ENTPD1: variants seen among roughly 807,000 people sequenced by gnomAD.
The protein encoded by ENTPD1 is ectonucleoside triphosphate diphosphohydrolase 1.
ENTPD1 carries 33 observed loss-of-function variants against 57.0 expected under a neutral mutation model. The observed-to-expected ratio is 0.58, with a 90% CI of 0.44 to 0.77. The LOEUF (loss-of-function observed/expected upper bound fraction) is 0.77, where lower values mean the gene tolerates loss of function less well. Among genes scored for constraint, ENTPD1 ranks in the 30% least tolerant of loss-of-function variants. ENTPD1 has a pLI of 0.00. For synonymous variants in ENTPD1, 202 were observed against 218.8 expected (o/e 0.92, Z 0.68); for missense variants, 501 against 603.4 (o/e 0.83, Z 1.78).
upstream of ENTPD1, among the ~76,000 whole-genome samples, chr10:95,752,218 A>G (rs1218244572): frequency 1.3e-5 from 2 of 152,200 alleles, no homozygotes; most frequent in African/African-American, 4.8e-5. Flanking sequence ...CGGGAATGCA[A>G]TGGAAGGAGG....
At chr10:95,861,883 C>G (rs537290300) in intron 8 of ENTPD1, among the ~76,000 whole-genome samples, 7 of 152,106 alleles carry the variant, frequency 4.6e-5, no homozygotes, top group African/African-American at 1.7e-4. Flanking sequence ...GTAGTCCCAG[C>G]TACTTGGGAG....
intron 1 of ENTPD1, among the ~76,000 whole-genome samples, chr10:95,772,795 G>T (rs74996096): frequency 0.016 from 2,379 of 152,110 alleles, 62 homozygotes; most frequent in African/African-American, 0.054. Context: ...ACTTTGCCCA[G>T]GTCCAACAGA....
In ENTPD1 at chr10:95,772,422, C is replaced by T. The variant is rs576151981; in HGVS notation, c.16+16167C>T. 3.9e-5 allele frequency among the ~76,000 whole-genome samples: 6 copies of T among 152,304 alleles called. No homozygotes were observed. The South Asian group carries it at 1.2e-3, about 32-fold the overall frequency. On this transcript the variant is annotated intron_variant, in intron 1 of 9. Transcript: ENST00000371205. ...GCAAGTTTACATAATATTCTAAATCCTTTGCTGTCATTTCAACAATGTTCA... is the reference window on the plus strand; with the variant it reads ...GCAAGTTTACATAATATTCTAAATCTTTTGCTGTCATTTCAACAATGTTCA...
At chr10:95,751,361 G>A (rs1157585284), upstream of ENTPD1, among the ~76,000 whole-genome samples, 3 of 152,206 alleles carry the variant, frequency 2.0e-5, no homozygotes, top group Non-Finnish European at 2.9e-5. Context: ...TGTGGGATGT[G>A]GGGAGGGGTC....
At chr10:95,854,004 A>G (rs1441669152) in intron 7 of ENTPD1, among the ~76,000 whole-genome samples, 1 of 152,194 alleles carries the variant, frequency 6.6e-6, no homozygotes. Flanking sequence ...TTCAGAAGGA[A>G]TGGTACCAGC....
chr10:95,723,978 G>T (rs990453756), intron 1 of ENTPD1, among the ~76,000 whole-genome samples: 1 of 151,832 alleles, frequency 6.6e-6, no homozygotes, highest in Non-Finnish European at 1.5e-5. Flanking sequence ...TGGCTAACAC[G>T]GTGAAACCCT....
In ENTPD1 at chr10:95,870,900, C is replaced by T; in HGVS notation, c.*4517C>T. 1.0e-6 allele frequency: 1 copy of T among 985,400 alleles called. No homozygotes were observed. The highest frequency in any genetic ancestry group is 1.7e-5 in the African/African-American group (1 of 57,346). The allele number at this position is 985,400 out of a possible 1,614,324, so 61.0% of individuals were successfully genotyped here. On this transcript the variant is annotated 3_prime_UTR_variant, in exon 10 of 10. Transcript: ENST00000371205. ...TTTTCATGTTTGTGAGTCTGCAAGC[C>T]AGCTGGGCAGCTCTACTTCAGGTGG...
chr10:95,830,622 A>C (rs1368276897), intron 2 of ENTPD1, among the ~76,000 whole-genome samples: 1 of 152,114 alleles, frequency 6.6e-6, no homozygotes, highest in Admixed American at 6.6e-5. Flanking sequence ...CCTGGCCAAC[A>C]TGGTGAACTG....
chr10:95,790,168 T>C (rs1438366226), intron 1 of ENTPD1, among the ~76,000 whole-genome samples: 2 of 152,214 alleles, frequency 1.3e-5, no homozygotes, highest in African/African-American at 4.8e-5. Context: ...CCACTTCAGA[T>C]AGATGATTCA....
At chr10:95,813,420 A>C (rs1707767837) in intron 1 of ENTPD1, among the ~76,000 whole-genome samples, 1 of 152,200 alleles carries the variant, frequency 6.6e-6, no homozygotes. Context: ...GAGGATGTGA[A>C]AACACTAGCT....
rs2098481373 is a variant in ENTPD1 at position 95,872,284 on chromosome 10, A to G, written c.*5901A>G. ...TTCCATTGCCTACAAAATAAAGTCA[A>G]CCTCCCCATCAGACATTCAAGGCTT... On this transcript the variant is annotated 3_prime_UTR_variant, in exon 10 of 10. Coordinates refer to ENST00000371205, the MANE Select transcript of ENTPD1 (RefSeq NM_001776.6). The G allele has an allele frequency of 1.0e-6, 1 of 985,046 alleles. No individual in the cohort carries two copies. Among genetic ancestry groups the G allele is most frequent in the Non-Finnish European group, 1.2e-6 (1 of 829,850 alleles). The allele number at this position is 985,046 out of a possible 1,614,324, so 61.0% of individuals were successfully genotyped here. A position where few individuals can be genotyped will look rare whatever the true frequency, so the allele number is the denominator to read the frequency against.
At chr10:95,778,640 G>A (rs2140162498) in intron 1 of ENTPD1, among the ~76,000 whole-genome samples, 1 of 151,754 alleles carries the variant, frequency 6.6e-6, no homozygotes, top group African/African-American at 2.4e-5. Flanking sequence ...TTCTTATTTT[G>A]GTTATTACTG....
chr10:95,694,421 TAAAA>T, the ENTPD1 span, among the ~76,000 whole-genome samples: 243 of 149,344 alleles, frequency 1.6e-3, no homozygotes, highest in Middle Eastern at 3.4e-3. Flanking sequence ...ATGGCTTTTT[TAAAA>T]AAAAAAAAAA....
At chr10:95,827,336 T>C (rs1245051784) in intron 2 of ENTPD1, among the ~76,000 whole-genome samples, 2 of 151,550 alleles carry the variant, frequency 1.3e-5, no homozygotes, top group Non-Finnish European at 2.9e-5. Flanking sequence ...GCACCTATAG[T>C]CCCAACTACT....
chr10:95,707,707 C>G (rs796416557), upstream of ENTPD1, among the ~76,000 whole-genome samples: 1 of 152,154 alleles, frequency 6.6e-6, no homozygotes, highest in Non-Finnish European at 1.5e-5. Context: ...TGCCTTCAAG[C>G]GATTCTCGTG....
intron 1 of ENTPD1, among the ~76,000 whole-genome samples, chr10:95,715,444 T>C (rs2097970436): frequency 6.6e-6 from 1 of 152,198 alleles, no homozygotes; most frequent in Non-Finnish European, 1.5e-5. Flanking sequence ...TAAACTAAAC[T>C]GTGTTTCTTT....
At chr10:95,760,901 C>T (rs1044312394) in intron 1 of ENTPD1, among the ~76,000 whole-genome samples, 7 of 136,768 alleles carry the variant, frequency 5.1e-5, no homozygotes, top group Non-Finnish European at 9.1e-5. Context: ...GCGATCTCAG[C>T]TCACTGCAAG....
intron 1 of ENTPD1, among the ~76,000 whole-genome samples, chr10:95,776,570 C>T (rs562245876): frequency 6.6e-6 from 1 of 152,294 alleles, no homozygotes; most frequent in Non-Finnish European, 1.5e-5. Flanking sequence ...TTGCCCTTAA[C>T]ATTTTTTCCT....
Position 95,874,211 on chromosome 10 carries a change from T to C in ENTPD1, c.*7828T>C, listed in dbSNP as rs2098483465. On this transcript the variant is annotated 3_prime_UTR_variant, in exon 10 of 10. Transcript: ENST00000371205. ...GGCAAGTCCCTTCCACTTACAAGCCTGTAAAAGCAAGCTAGTTACCTCCTA... is the reference window on the plus strand; with the variant it reads ...GGCAAGTCCCTTCCACTTACAAGCCCGTAAAAGCAAGCTAGTTACCTCCTA... Among the ~76,000 whole-genome samples, 2 of 152,190 alleles carry C rather than the reference T, an allele frequency of 1.3e-5. No homozygotes were observed. The highest frequency in any genetic ancestry group is 2.9e-5 in the Non-Finnish European group (2 of 68,028).
Sources: allele counts gnomAD v4.1 joint callset (sites outside exome capture counted in the v4.1 genomes callset), GRCh38; gene constraint gnomAD v4.1.1; transcripts MANE v1.5; gene names NCBI Gene and HGNC (gene_info 2026-07-23, HGNC 2026-07-21).